RBFOX1: variants seen among roughly 807,000 people sequenced by gnomAD.
RBFOX1 encodes RNA binding fox-1 homolog 1.
RBFOX1 carries 8 observed loss-of-function variants against 57.7 expected under a neutral mutation model. That is an observed-to-expected ratio of 0.14 (90% CI 0.08 to 0.25). The LOEUF (loss-of-function observed/expected upper bound fraction) is 0.25, where lower values mean the gene tolerates loss of function less well. Among genes scored for constraint, RBFOX1 ranks in the 10% least tolerant of loss-of-function variants. RBFOX1 has a pLI of 1.00. For missense variants in RBFOX1, 611 were observed against 548.5 expected (o/e 1.11, Z -1.14); for synonymous variants, 326 against 222.4 (o/e 1.47, Z -4.15).
intron 1 of RBFOX1, among the ~76,000 whole-genome samples, chr16:5,259,026 T>C (rs2062661545): frequency 6.6e-6 from 1 of 152,100 alleles, no homozygotes; most frequent in Non-Finnish European, 1.5e-5. Context: ...GGGGGTGACC[T>C]TCAGCGCAGG....
chr16:7,007,530 G>C (rs181818778), intron 3 of RBFOX1, among the ~76,000 whole-genome samples: 20 of 152,272 alleles, frequency 1.3e-4, no homozygotes, highest in African/African-American at 4.8e-4. Context: ...TAGGACATGG[G>C]TATCTTGGGG....
chr16:5,922,974 G>A (rs1346526626), intron 4 of RBFOX1, among the ~76,000 whole-genome samples: 2 of 152,194 alleles, frequency 1.3e-5, no homozygotes, highest in Non-Finnish European at 2.9e-5. Context: ...TTGAGCAGAG[G>A]ATGTGGAGGA....
chr16:7,122,974 T>G (rs1334778319), intron 4 of RBFOX1, among the ~76,000 whole-genome samples: 2 of 151,780 alleles, frequency 1.3e-5, no homozygotes, highest in Non-Finnish European at 2.9e-5. Context: ...ATAAATCCAT[T>G]CCTATGACAT....
At chr16:6,894,134 G>C (rs2066186478) in intron 3 of RBFOX1, among the ~76,000 whole-genome samples, 1 of 152,210 alleles carries the variant, frequency 6.6e-6, no homozygotes, top group South Asian at 2.1e-4. Context: ...TATGGACAGA[G>C]ATAGAATGAT....
At chr16:5,845,077 T>TC (rs894495128) in intron 3 of RBFOX1, among the ~76,000 whole-genome samples, 1 of 150,442 alleles carries the variant, frequency 6.6e-6, no homozygotes, top group Non-Finnish European at 1.5e-5. Context: ...TTTTTTTTTT[T>TC]TTCTGTAACA....
Position 7,689,582 on chromosome 16 carries a change from A to G in RBFOX1, c.995+12744A>G, listed in dbSNP as rs538130762. 1.6e-4 allele frequency among the ~76,000 whole-genome samples: 25 copies of G among 152,214 alleles called. No homozygotes were observed. In the South Asian group the frequency reaches 3.5e-3, roughly 21 times the overall value. On this transcript the variant is annotated intron_variant, in intron 14 of 15. Coordinates refer to ENST00000550418, the MANE Select transcript of RBFOX1 (RefSeq NM_018723.4). ...GGTCAGAGTTGAAACCCAGGAATCTATACCTTGAATGAGCACTCTAGGCAT... is the reference window on the plus strand; with the variant it reads ...GGTCAGAGTTGAAACCCAGGAATCTGTACCTTGAATGAGCACTCTAGGCAT...
chr16:6,370,125 G>A (rs2090205662), intron 2 of RBFOX1, among the ~76,000 whole-genome samples: 1 of 152,014 alleles, frequency 6.6e-6, no homozygotes, highest in South Asian at 2.1e-4. Flanking sequence ...TTGGGAGGCC[G>A]AGGCAGGCGG....
chr16:7,166,887 C>T (rs1269990129), intron 4 of RBFOX1, among the ~76,000 whole-genome samples: 1 of 150,850 alleles, frequency 6.6e-6, no homozygotes, highest in Non-Finnish European at 1.5e-5. Context: ...ACAGACACAG[C>T]CACCAGTAGC....
At chr16:6,739,489 C>A (rs1299210567) in intron 3 of RBFOX1, among the ~76,000 whole-genome samples, 1 of 132,852 alleles carries the variant, frequency 7.5e-6, no homozygotes, top group Non-Finnish European at 1.6e-5. Flanking sequence ...CCTCCCCCCA[C>A]CCCAAGGGAA....
intron 2 of RBFOX1, among the ~76,000 whole-genome samples, chr16:6,436,745 C>G (rs539408407): frequency 6.6e-6 from 1 of 151,738 alleles, no homozygotes. Context: ...ACACAGTTTC[C>G]GAGATGTAGT....
Position 5,566,259 on chromosome 16 carries a change from G to C in RBFOX1, c.259-32643G>C, listed in dbSNP as rs571840300. Among the ~76,000 whole-genome samples the C allele has an allele frequency of 3.9e-5, 6 of 152,226 alleles. No homozygotes were observed. The South Asian group carries it at 1.0e-3, about 26-fold the overall frequency. On this transcript the variant is annotated intron_variant, in intron 2 of 2. Coordinates refer to the RBFOX1 transcript ENST00000585867. ...CAGTCACTGTCTGTTTTTCTGCTGAGGGTTCATGTATTAACATAGTTGGGC... is the reference window on the plus strand; with the variant it reads ...CAGTCACTGTCTGTTTTTCTGCTGACGGTTCATGTATTAACATAGTTGGGC...
intron 4 of RBFOX1, among the ~76,000 whole-genome samples, chr16:7,448,541 C>T (rs1448728241): frequency 1.3e-5 from 2 of 152,150 alleles, no homozygotes; most frequent in African/African-American, 4.8e-5. Context: ...GGGGAAGACC[C>T]ACCTCTATGA....
chr16:5,395,274 G>A (rs1226005919), intron 1 of RBFOX1, among the ~76,000 whole-genome samples: 1 of 152,218 alleles, frequency 6.6e-6, no homozygotes, highest in Non-Finnish European at 1.5e-5. Context: ...GTGGCTGCAA[G>A]GCAACTCCTC....
intron 1 of RBFOX1, among the ~76,000 whole-genome samples, chr16:6,105,685 A>AATAT (rs1002953834): frequency 1.4e-5 from 2 of 142,894 alleles, no homozygotes; most frequent in East Asian, 1.9e-4. Context: ...GTAGAAAAAA[A>AATAT]ATATATATAT....
rs184335414 is a variant in RBFOX1, at chr16:6,432,855, G to A, written c.-64+115798G>A. 1.4e-3 allele frequency among the ~76,000 whole-genome samples: 217 copies of A among 152,240 alleles called. No individual in the cohort carries two copies. The Middle Eastern group carries it at 0.031, about 21-fold the overall frequency. On this transcript the variant is annotated intron_variant, in intron 2 of 15. Transcript: ENST00000550418. ...TAGCTGGGCGTGGTGGTGCATGCCT[G>A]TAATCCCAGCTACTGAGGAGGCTGA... is the stretch of plus-strand genomic sequence containing the variant.
chr16:7,216,994 TCCTCCCTCCCTCCCTTCCCTCCCTC>T (rs2092156347), intron 4 of RBFOX1, among the ~76,000 whole-genome samples: 1 of 90,586 alleles, frequency 1.1e-5, no homozygotes, highest in African/African-American at 4.2e-5. Context: ...TTTCCTTCCT[TCCTCCCTCCCTCCCTTCCCTCCCTC>T]CCTCCCTCCC....
At chr16:6,448,572 A>T (rs2094533199) in intron 2 of RBFOX1, among the ~76,000 whole-genome samples, 1 of 152,198 alleles carries the variant, frequency 6.6e-6, no homozygotes, top group Non-Finnish European at 1.5e-5. Flanking sequence ...TTACCTGCCC[A>T]TAGCACCCTG....
chr16:6,785,848 A>C (rs543346955), intron 3 of RBFOX1, among the ~76,000 whole-genome samples: 1 of 136,452 alleles, frequency 7.3e-6, no homozygotes, highest in Non-Finnish European at 1.6e-5. Context: ...ATTAGACTCA[A>C]AGTCCATTAG....
At chr16:7,489,196 A>G (rs1267855463) in intron 4 of RBFOX1, among the ~76,000 whole-genome samples, 9 of 152,074 alleles carry the variant, frequency 5.9e-5, no homozygotes, top group Admixed American at 3.9e-4. Context: ...GGTCTGCCCT[A>G]TTAGGTAATT....
Sources: gnomAD v4.1 joint callset for allele counts (sites outside exome capture counted in the v4.1 genomes callset) on GRCh38, gnomAD v4.1.1 for gene constraint, MANE v1.5 for transcripts, NCBI Gene and HGNC (gene_info 2026-07-23, HGNC 2026-07-21) for gene names.